CLMN: variants seen among roughly 807,000 people sequenced by gnomAD.
The protein encoded by CLMN is calmin (calponin-like, transmembrane).
Under a neutral mutation model 92.7 loss-of-function variants are expected in CLMN, and 57 were observed. The ratio of observed to expected loss-of-function variants is 0.61; its 90% CI spans 0.50 to 0.77. The LOEUF (loss-of-function observed/expected upper bound fraction) is 0.77. CLMN is among the 30% of genes least tolerant of loss of function. The pLI, the probability that CLMN is intolerant of heterozygous loss-of-function variation, is 0.00. For missense variants in CLMN, 1,158 were observed against 1,237.5 expected, an observed-to-expected ratio of 0.94 and a Z score of 0.96; for synonymous variants, 466 against 470.6, an observed-to-expected ratio of 0.99 and a Z score of 0.13.
rs1204625511 is a variant in CLMN at position 95,293,300 on chromosome 14, C to T, written c.82+26411G>A. On this transcript the variant is annotated intron_variant, in intron 1 of 12. Coordinates refer to ENST00000298912, the MANE Select transcript of CLMN (RefSeq NM_024734.4). ...TCTTTTCCTCCCTCCCTCCTTCCTT[C>T]CCTCCCTCCTTCCCTCCCTCCCTCC... Among the ~76,000 whole-genome samples, 4 of 91,106 alleles carry T rather than the reference C, an allele frequency of 4.4e-5. No homozygotes were observed. The East Asian group carries it at 1.3e-3, about 29-fold the overall frequency. 59.8% of individuals were successfully genotyped at this position (91,106 alleles called of 152,430 possible).
Position 95,213,346 on chromosome 14 carries a change from C to A in CLMN, c.481G>T (p.Gly161Trp). The A allele has an allele frequency of 6.2e-7, 1 of 1,613,374 alleles. No homozygotes were observed. Among genetic ancestry groups the A allele is most frequent in the Non-Finnish European group, 8.5e-7 (1 of 1,179,702 alleles). Reference protein sequence around the residue: ...SPSSSLSPGSGGTDSDSSFPP... With the variant: ...SPSSSLSPGSWGTDSDSSFPP... ...AAGGATGAGTCTGAGTCTGTGCCCC[C>A]TGAGCCAGGGGACAAGCTGGAAGAT... Residue 161 changes from glycine to tryptophan, a missense_variant, in exon 6 of 13, where the codon GGG (glycine) becomes TGG (tryptophan). Physicochemically the swap from Gly to Trp is radical, Grantham distance 184 (BLOSUM62 -2). Transcript: ENST00000298912.
intron 1 of CLMN, among the ~76,000 whole-genome samples, chr14:95,239,625 C>T (rs1898176935): frequency 1.3e-5 from 2 of 152,104 alleles, no homozygotes; most frequent in Admixed American, 1.3e-4. Flanking sequence ...CTAAAATGCC[C>T]CTCCAAAAAG....
chr14:95,265,076 CA>C (rs1239755000), intron 1 of CLMN, among the ~76,000 whole-genome samples: 2 of 151,294 alleles, frequency 1.3e-5, no homozygotes, highest in Non-Finnish European at 1.5e-5. Context: ...CCTGTCTCTA[CA>C]AAAAAAATAC....
In CLMN at chr14:95,187,885, G is replaced by A. The variant is rs1451884204; in HGVS notation, c.*3679C>T. The A allele has an allele frequency of 6.6e-6, 1 of 152,236 alleles. No homozygotes were observed. Among genetic ancestry groups the A allele is most frequent in the African/African-American group, 2.4e-5 (1 of 41,452 alleles). The allele number at this position is 152,236 out of a possible 1,614,324, so 9.4% of individuals were successfully genotyped here. A position where few individuals can be genotyped will look rare whatever the true frequency, so the allele number is the denominator to read the frequency against. ...GGTATGTCTGGAGGAAGGGGCAAAA[G>A]GTGTCCTTTGCCAGTCAAGCCAAGT... On this transcript the variant is annotated 3_prime_UTR_variant, in exon 13 of 13. Transcript: ENST00000298912.
intron 1 of CLMN, among the ~76,000 whole-genome samples, chr14:95,275,550 G>A (rs1434811528): frequency 6.6e-6 from 1 of 152,172 alleles, no homozygotes; most frequent in Non-Finnish European, 1.5e-5. Flanking sequence ...ACCCTTTCCT[G>A]AAAACTCATA....
chr14:95,315,819 A>C (rs1339169703), intron 1 of CLMN, among the ~76,000 whole-genome samples: 6 of 152,252 alleles, frequency 3.9e-5, no homozygotes, highest in Non-Finnish European at 8.8e-5. Context: ...CTGGGTGCCC[A>C]TGACAGTTTC....
chr14:95,249,624 C>T (rs1595058154), intron 1 of CLMN, among the ~76,000 whole-genome samples: 1 of 151,950 alleles, frequency 6.6e-6, no homozygotes, highest in East Asian at 1.9e-4. Context: ...TGGAGTCTCC[C>T]TCTGTCGCCC....
intron 1 of CLMN, among the ~76,000 whole-genome samples, chr14:95,318,250 C>A (rs1691798737): frequency 2.0e-5 from 3 of 152,196 alleles, no homozygotes; most frequent in Admixed American, 2.0e-4. Flanking sequence ...TGCCCACCCC[C>A]AAACAGGATG....
intron 1 of CLMN, among the ~76,000 whole-genome samples, chr14:95,250,585 C>T (rs117276404): frequency 6.6e-6 from 1 of 152,352 alleles, no homozygotes; most frequent in Non-Finnish European, 1.5e-5. Context: ...CCACATGTAA[C>T]TTCTTCACAA....
intron 1 of CLMN, among the ~76,000 whole-genome samples, chr14:95,247,336 G>T (rs765107171): frequency 6.6e-6 from 1 of 152,236 alleles, no homozygotes; most frequent in Non-Finnish European, 1.5e-5. Context: ...ATGTACACAT[G>T]CTTGGCCAAG....
At chr14:95,319,142 AG>A (rs1566930376) in intron 1 of CLMN, among the ~76,000 whole-genome samples, 1 of 152,010 alleles carries the variant, frequency 6.6e-6, no homozygotes, top group Non-Finnish European at 1.5e-5. Flanking sequence ...CCTGCAGGGG[AG>A]GGGCAGCTCC....
intron 1 of CLMN, among the ~76,000 whole-genome samples, chr14:95,274,183 T>G (rs1049679164): frequency 6.6e-5 from 10 of 152,168 alleles, no homozygotes; most frequent in African/African-American, 2.4e-4. Context: ...TTGCTCCCGC[T>G]TGGTTTCTCC....
intron 1 of CLMN, among the ~76,000 whole-genome samples, chr14:95,297,391 C>A (rs976907501): frequency 6.6e-6 from 1 of 152,160 alleles, no homozygotes; most frequent in Non-Finnish European, 1.5e-5. Context: ...TACATTTCAG[C>A]CTTTCCTGTG....
intron 1 of CLMN, among the ~76,000 whole-genome samples, chr14:95,273,330 C>T (rs1365336020): frequency 2.0e-5 from 3 of 152,182 alleles, no homozygotes; most frequent in Non-Finnish European, 4.4e-5. Flanking sequence ...TCAATGGATC[C>T]ACTACCCGCC....
intron 4 of CLMN, among the ~76,000 whole-genome samples, chr14:95,216,821 G>C (rs1360561771): frequency 6.6e-6 from 1 of 152,320 alleles, no homozygotes; most frequent in South Asian, 2.1e-4. Context: ...TGGACCAGCA[G>C]CATCTGTATC....
intron 12 of CLMN, chr14:95,193,302 C>A: frequency 6.6e-7 from 1 of 1,509,312 alleles, no homozygotes; most frequent in South Asian, 1.2e-5. Flanking sequence ...CAACAGTTCT[C>A]CGACAGCAAG....
rs533045766 is a variant in CLMN, at chr14:95,247,499, G to A, written c.83-17366C>T. ...CTGGTTGTCGGATCTCTGCTGCACAGCTCCATGTCTTTTGGGCTTCCTCTT... is the reference window on the plus strand; with the variant it reads ...CTGGTTGTCGGATCTCTGCTGCACAACTCCATGTCTTTTGGGCTTCCTCTT... On this transcript the variant is annotated intron_variant, in intron 1 of 12. Coordinates refer to ENST00000298912, the MANE Select transcript of CLMN (RefSeq NM_024734.4). 2.6e-5 allele frequency among the ~76,000 whole-genome samples: 4 copies of A among 152,346 alleles called. No homozygotes were observed. The East Asian group carries it at 7.7e-4, about 29-fold the overall frequency.
At chr14:95,242,846 C>T (rs572630111) in intron 1 of CLMN, among the ~76,000 whole-genome samples, 24 of 152,326 alleles carry the variant, frequency 1.6e-4, no homozygotes, top group African/African-American at 5.8e-4. Context: ...GGATTACAGG[C>T]ATGAGCCACC....
At chr14:95,255,573 C>T (rs564701153) in intron 1 of CLMN, among the ~76,000 whole-genome samples, 16 of 152,280 alleles carry the variant, frequency 1.1e-4, no homozygotes, top group African/African-American at 3.6e-4. Context: ...TGGAACGCAT[C>T]CCCTGCAGAG....
Sources: gnomAD v4.1 joint callset for allele counts (sites outside exome capture counted in the v4.1 genomes callset) on GRCh38, gnomAD v4.1.1 for gene constraint, MANE v1.5 for transcripts, NCBI Gene and HGNC (gene_info 2026-07-23, HGNC 2026-07-21) for gene names.